The following ERCC3 variants were observed in gnomAD, a reference collection of about 807,000 sequenced individuals.
ERCC3 encodes ERCC excision repair 3, TFIIH core complex helicase subunit.
In ERCC3, 66 loss-of-function variants were observed where a neutral mutation model predicts 94.2. The observed-to-expected ratio is 0.70, with a 90% CI of 0.57 to 0.86. The LOEUF (loss-of-function observed/expected upper bound fraction) is 0.86, where lower values mean the gene tolerates loss of function less well. Ranked by LOEUF, ERCC3 falls within the 40% of genes least tolerant of loss-of-function variation. ERCC3 has a pLI of 0.00. For synonymous variants in ERCC3, 349 were observed against 369.1 expected, an observed-to-expected ratio of 0.95 and a Z score of 0.63; for missense variants, 829 against 987.1, an observed-to-expected ratio of 0.84 and a Z score of 2.15.
Position 127,257,504 on chromosome 2 carries a change from G to T in ERCC3, c.*92C>A, listed in dbSNP as rs1684047658. On this transcript the variant is annotated 3_prime_UTR_variant, in exon 15 of 15. Transcript: ENST00000285398. The surrounding 1 kb of genome is among the most constrained non-coding windows in gnomAD (Gnocchi z 5.4). ...CAATTTGGCCAACGCTGGAGGGAAG[G>T]TCAAAGAGGTGGAAGGAAAATGTTA... is the stretch of plus-strand genomic sequence containing the variant. 1.3e-6 allele frequency: 2 copies of T among 1,551,684 alleles called. No individual in the cohort carries two copies. The highest frequency in any genetic ancestry group is 2.2e-5 in the East Asian group (1 of 44,584).
chr2:127,293,896 T>G (rs1685370954), intron 1 of ERCC3, 158 bp downstream of exon 1: 7 of 1,524,950 alleles, frequency 4.6e-6, no homozygotes, highest in Non-Finnish European at 6.1e-6. Flanking sequence ...TGCGCCCAGG[T>G]CCAGCATCTC....
chr2:127,290,275 T>G lies in ERCC3; in HGVS notation c.472-2A>C. 6.2e-7 allele frequency: 1 copy of G among 1,612,522 alleles called. No individual in the cohort carries two copies. The highest frequency in any genetic ancestry group is 8.5e-7 in the Non-Finnish European group (1 of 1,178,502). On this transcript the variant is annotated splice_acceptor_variant, in intron 3 of 14. Coordinates refer to ENST00000285398, the MANE Select transcript of ERCC3 (RefSeq NM_000122.2). LOFTEE classifies it high-confidence loss of function. ...TTTTCCATAGCTGACAGTACACAAC[T>G]GCAAATACAGATAACATCCAACAGG...
chr2:127,275,863 G>C (rs769504454), intron 10 of ERCC3, among the ~76,000 whole-genome samples: 5 of 152,202 alleles, frequency 3.3e-5, no homozygotes, highest in Non-Finnish European at 7.3e-5. Flanking sequence ...AGAGAAAGCA[G>C]AAGCTGGAGC....
chr2:127,260,506 A>G (rs2104730850), intron 13 of ERCC3: 2 of 152,544 alleles, frequency 1.3e-5, no homozygotes, highest in Middle Eastern at 3.4e-3. Flanking sequence ...GCCTCTAGCT[A>G]AAAGAGGGAA....
chr2:127,284,814 G>C lies in ERCC3; in HGVS notation c.1342+1889C>G, dbSNP rs1173252953. On this transcript the variant is annotated intron_variant, in intron 8 of 14. Transcript: ENST00000285398. The surrounding 1 kb of genome is among the most constrained non-coding windows in gnomAD (Gnocchi z 4.1). ...TCCTCCCACCTCAGCCTCCTCAGCA[G>C]CTGAGACCACAGGTGCACACCACCA... Among the ~76,000 whole-genome samples, 2 of 151,948 alleles carry C rather than the reference G, an allele frequency of 1.3e-5. No individual in the cohort carries two copies. Among genetic ancestry groups the C allele is most frequent in the Non-Finnish European group, 2.9e-5 (2 of 67,988 alleles).
chr2:127,257,735 G>A lies in ERCC3; in HGVS notation c.2218-8C>T, dbSNP rs762241716. On this transcript the variant is annotated splice_polypyrimidine_tract_variant and splice_region_variant and intron_variant, in intron 14 of 14. Coordinates refer to ENST00000285398, the MANE Select transcript of ERCC3 (RefSeq NM_000122.2). This position sits in a 1 kb window ranked among gnomAD's most constrained non-coding sequence, Gnocchi z 5.4. ...GCCAAAGCGCCGAGATGCCTGCCGG[G>A]AAGGGGGAACCAGCCCATGTTAGTC... is the stretch of plus-strand genomic sequence containing the variant. 4 of 1,614,176 alleles carry A rather than the reference G, an allele frequency of 2.5e-6. No homozygotes were observed. The Admixed American group carries it at 5.0e-5, about 20-fold the overall frequency.
Position 127,269,793 on chromosome 2 carries a change from G to A in ERCC3, c.1945+1543C>T, listed in dbSNP as rs984097848. Among the ~76,000 whole-genome samples the A allele has an allele frequency of 2.0e-5, 3 of 151,994 alleles. No individual in the cohort carries two copies. The East Asian group carries it at 5.9e-4, about 30-fold the overall frequency. On this transcript the variant is annotated intron_variant, in intron 12 of 14. Coordinates refer to ENST00000285398, the MANE Select transcript of ERCC3 (RefSeq NM_000122.2). ...CACCTGTAATCCCAGCACTTTGGGA[G>A]GCCAAGGTGGGTGGATCACTAGAGA...
intron 6 of ERCC3, 36 bp from the exon 7 acceptor site, chr2:127,288,900 G>A (rs766188529): frequency 6.6e-7 from 1 of 1,506,566 alleles, no homozygotes; most frequent in Non-Finnish European, 9.2e-7. Context: ...TTAAAATCTT[G>A]TTACTGTGCT....
At position 127,279,940 on chromosome 2, in the gene ERCC3, G is replaced by A. The variant is rs904829998; in HGVS notation, c.1527+507C>T. ...ATTTTCACACCAGCTGCAAGTGTGC[G>A]AAACCAGATTCTCAATTGGTAGTGT... On this transcript the variant is annotated intron_variant, in intron 9 of 14. Transcript: ENST00000285398. The surrounding 1 kb of genome is among the most constrained non-coding windows in gnomAD (Gnocchi z 4.7). 2.6e-5 allele frequency among the ~76,000 whole-genome samples: 4 copies of A among 152,152 alleles called. No individual in the cohort carries two copies. Among genetic ancestry groups the A allele is most frequent in the South Asian group, 2.1e-4 (1 of 4,832 alleles).
At chr2:127,267,587 T>C (rs1684414881) in intron 12 of ERCC3, among the ~76,000 whole-genome samples, 1 of 152,126 alleles carries the variant, frequency 6.6e-6, no homozygotes, top group African/African-American at 2.4e-5. Context: ...GGTGGGGTGT[T>C]TAGGTTGTTT....
At chr2:127,289,593 G>T in intron 5 of ERCC3, 92 bp from the exon 6 acceptor site, 2 of 1,600,492 alleles carry the variant, frequency 1.2e-6, no homozygotes, top group Non-Finnish European at 1.7e-6. Context: ...GAACCAGCAG[G>T]GCTGCTAGGT....
rs531641813 is a variant in ERCC3, at chr2:127,280,129, T to A, written c.1527+318A>T. On this transcript the variant is annotated intron_variant, in intron 9 of 14. Transcript: ENST00000285398. The surrounding 1 kb of genome is among the most constrained non-coding windows in gnomAD (Gnocchi z 6.3). ...GCTGCCAGGCTCCCAGGCAGCACTG[T>A]GGTATCAGGGGCCTTCATTCATCCC... Among the ~76,000 whole-genome samples the A allele has an allele frequency of 6.6e-6, 1 of 152,294 alleles. No individual in the cohort carries two copies. The highest frequency in any genetic ancestry group is 2.4e-5 in the African/African-American group (1 of 41,570).
intron 4 of ERCC3, 187 bp downstream of exon 4, chr2:127,290,037 T>A (rs1405720754): frequency 5.2e-6 from 4 of 764,812 alleles, no homozygotes; most frequent in South Asian, 5.0e-5. Flanking sequence ...CCAGCTCCAC[T>A]GCTAGAGGAA....
chr2:127,285,732 T>C (rs1467438443), intron 8 of ERCC3, among the ~76,000 whole-genome samples: 1 of 151,694 alleles, frequency 6.6e-6, no homozygotes, highest in Non-Finnish European at 1.5e-5. Flanking sequence ...ACACCTGTAG[T>C]CCCAGCTACT....
At chr2:127,292,888 G>A (rs1357895062) in intron 2 of ERCC3, 42 bp from the exon 3 acceptor site, 54 of 1,286,920 alleles carry the variant, frequency 4.2e-5, no homozygotes, top group Non-Finnish European at 5.7e-5. Flanking sequence ...GGAAACATGA[G>A]TTGCAGAGAC....
At chr2:127,261,188 C>G (rs200383234) in intron 13 of ERCC3, 40 bp downstream of exon 13, 2 of 1,184,416 alleles carry the variant, frequency 1.7e-6, no homozygotes, top group African/African-American at 3.0e-5. Context: ...ATCAAGAAGG[C>G]CTTGGTCCTA....
At chr2:127,276,980 C>T (rs753133364) in intron 10 of ERCC3, among the ~76,000 whole-genome samples, 1 of 152,168 alleles carries the variant, frequency 6.6e-6, no homozygotes, top group Non-Finnish European at 1.5e-5. Context: ...CGAGTAAAGA[C>T]ATCTGTAAAC....
In ERCC3 at chr2:127,293,613, T is replaced by A. The variant is rs749797540; in HGVS notation, c.134A>T (p.Gln45Leu). ...QEAVPSAAGK[Q>L]VDESGTKVDE... ...CACTTTGGTGCCTGACTCATCCACC[T>A]GCTTCCCCGCCGCCGAGGGAACCGC... is the stretch of plus-strand genomic sequence containing the variant. Residue 45 changes from glutamine (Q) to leucine (L), a missense_variant, in exon 2 of 15, where the codon CAG (glutamine) becomes CTG (leucine). Physicochemically the swap from Gln to Leu is moderately radical, Grantham distance 113. Transcript: ENST00000285398. The A allele has an allele frequency of 5.0e-6, 8 of 1,614,198 alleles. No individual in the cohort carries two copies. The highest frequency in any genetic ancestry group is 6.8e-6 in the Non-Finnish European group (8 of 1,180,024).
rs774261993 is a variant in ERCC3 at position 127,257,459 on chromosome 2, T to C, written c.*137A>G. The C allele has an allele frequency of 1.1e-4, 117 of 1,065,566 alleles. No individual in the cohort carries two copies. Among genetic ancestry groups the C allele is most frequent in the Non-Finnish European group, 1.7e-4 (113 of 682,216 alleles). The allele number at this position is 1,065,566 out of a possible 1,614,324, so 66.0% of individuals were successfully genotyped here. A position where few individuals can be genotyped will look rare whatever the true frequency, so the allele number is the denominator to read the frequency against. ...GACCTATGAAGGCACAGCCAAGCCC[T>C]TGATGCATCTTCCTCAGCACAATTT... On this transcript the variant is annotated 3_prime_UTR_variant, in exon 15 of 15. Coordinates refer to ENST00000285398, the MANE Select transcript of ERCC3 (RefSeq NM_000122.2). The surrounding 1 kb of genome is among the most constrained non-coding windows in gnomAD (Gnocchi z 5.4).
Sources: allele counts gnomAD v4.1 joint callset (sites outside exome capture counted in the v4.1 genomes callset), GRCh38; gene constraint gnomAD v4.1.1; non-coding constraint Gnocchi (gnomAD v3.1); transcripts MANE v1.5; gene names NCBI Gene and HGNC (gene_info 2026-07-23, HGNC 2026-07-21).